OPCML: variants seen among roughly 807,000 people sequenced by gnomAD.
The protein encoded by OPCML is opioid-binding protein/cell adhesion molecule.
A neutral mutation model predicts 37.8 loss-of-function variants in OPCML; 13 were observed. The observed-to-expected ratio is 0.34, with a 90% confidence interval of 0.22 to 0.55. The LOEUF is 0.55. Among genes scored for constraint, OPCML ranks in the 20% least tolerant of loss-of-function variants. The pLI is 0.91. For synonymous variants in OPCML, 176 were observed against 168.8 expected (o/e 1.04, Z -0.33); for missense variants, 341 against 435.6 (o/e 0.78, Z 1.93).
rs575483840 is a variant in OPCML at position 132,530,250 on chromosome 11, A to G, written c.380-1064T>C. ...CATGCCCATGTACCCACAGCACTAC[A>G]AAGCCTAAAATGACACTTGGTCTTA... On this transcript the variant is annotated intron_variant, in intron 3 of 7. Coordinates refer to ENST00000524381, the MANE Select transcript of OPCML (RefSeq NM_001012393.5). Among the ~76,000 whole-genome samples the G allele has an allele frequency of 1.1e-4, 16 of 152,150 alleles. No individual in the cohort carries two copies. The South Asian group carries it at 3.1e-3, about 30-fold the overall frequency.
At chr11:133,189,998 A>G (rs1403171976) in intron 1 of OPCML, among the ~76,000 whole-genome samples, 1 of 152,228 alleles carries the variant, frequency 6.6e-6, no homozygotes, top group Non-Finnish European at 1.5e-5. Flanking sequence ...CGTTTTCACC[A>G]GATTCTAAAT....
chr11:132,920,283 T>A (rs1325060102), intron 2 of OPCML, among the ~76,000 whole-genome samples: 1 of 152,174 alleles, frequency 6.6e-6, no homozygotes, highest in Admixed American at 6.6e-5. Flanking sequence ...GCAGTGACAC[T>A]TCACAGGACA....
At chr11:133,025,193 G>A (rs755488721) in intron 1 of OPCML, 2 of 569,212 alleles carry the variant, frequency 3.5e-6, no homozygotes, top group Non-Finnish European at 4.4e-6. Flanking sequence ...GCAAATATGG[G>A]GTGACTTATT....
At chr11:132,653,165 G>A (rs887209295) in intron 3 of OPCML, among the ~76,000 whole-genome samples, 1 of 151,946 alleles carries the variant, frequency 6.6e-6, no homozygotes, top group Non-Finnish European at 1.5e-5. Context: ...TGTTCTTTCC[G>A]AGTGGCATAG....
chr11:132,639,069 A>G (rs961940218), intron 3 of OPCML, among the ~76,000 whole-genome samples: 7 of 142,604 alleles, frequency 4.9e-5, no homozygotes, highest in Admixed American at 4.8e-4. Flanking sequence ...ATTTTCTTCA[A>G]AGAGAGCTCT....
chr11:132,534,360 T>A (rs1156653705), intron 3 of OPCML, among the ~76,000 whole-genome samples: 1 of 152,230 alleles, frequency 6.6e-6, no homozygotes, highest in Non-Finnish European at 1.5e-5. Flanking sequence ...ATCTGCTTTA[T>A]AAACCACTAC....
chr11:132,965,706 T>C (rs994445316), intron 1 of OPCML, among the ~76,000 whole-genome samples: 1 of 152,096 alleles, frequency 6.6e-6, no homozygotes, highest in Non-Finnish European at 1.5e-5. Context: ...CTAATTTTTG[T>C]CTTTTTAGTA....
intron 1 of OPCML, among the ~76,000 whole-genome samples, chr11:133,493,000 C>T (rs1203148882): frequency 6.6e-6 from 1 of 152,212 alleles, no homozygotes; most frequent in Non-Finnish European, 1.5e-5. Flanking sequence ...CAGTTAGGCT[C>T]TGCTCCCTTT....
intron 2 of OPCML, among the ~76,000 whole-genome samples, chr11:132,894,196 T>C (rs1943751910): frequency 6.6e-6 from 1 of 152,242 alleles, no homozygotes; most frequent in Non-Finnish European, 1.5e-5. Flanking sequence ...CTTGTTACAC[T>C]AGGTCTTTTA....
rs141914985 is a variant in OPCML, at chr11:132,898,427, C to G, written c.146+44499G>C. 4.3e-4 allele frequency among the ~76,000 whole-genome samples: 65 copies of G among 152,262 alleles called. No homozygotes were observed. In the East Asian group the frequency reaches 0.011, roughly 27 times the overall value. On this transcript the variant is annotated intron_variant, in intron 2 of 7. Coordinates refer to ENST00000524381, the MANE Select transcript of OPCML (RefSeq NM_001012393.5). ...TCTACTAAGGAACTCACCTGACAGC[C>G]AAAGAAGTACAGCACTGGGCCCAAG...
intron 1 of OPCML, among the ~76,000 whole-genome samples, chr11:133,337,371 T>C (rs950654298): frequency 4.6e-5 from 7 of 152,302 alleles, no homozygotes; most frequent in Admixed American, 4.6e-4. Flanking sequence ...AACAGATGTC[T>C]GGTCTTGCAA....
chr11:132,790,177 G>C (rs1166061705), intron 2 of OPCML, among the ~76,000 whole-genome samples: 1 of 152,140 alleles, frequency 6.6e-6, no homozygotes, highest in African/African-American at 2.4e-5. Flanking sequence ...AATAAGATAT[G>C]GACTCCACCT....
intron 2 of OPCML, among the ~76,000 whole-genome samples, chr11:132,782,910 A>AGTGTGT (rs1162718283): frequency 2.6e-5 from 3 of 115,438 alleles, no homozygotes; most frequent in African/African-American, 9.6e-5. Flanking sequence ...ATATATATAT[A>AGTGTGT]GTGTGTGTAT....
chr11:132,853,958 T>C (rs529346745), intron 2 of OPCML, among the ~76,000 whole-genome samples: 1 of 152,206 alleles, frequency 6.6e-6, no homozygotes, highest in Non-Finnish European at 1.5e-5. Flanking sequence ...AACTCAATTC[T>C]GACGTTATCT....
chr11:132,657,468 C>A, intron 2 of OPCML, 149 bp from the exon 3 acceptor site: 1 of 1,418,412 alleles, frequency 7.1e-7, no homozygotes, highest in South Asian at 1.5e-5. Context: ...ATTGATGAAA[C>A]TTCCTAAATA....
At chr11:132,972,253 T>C (rs888419663) in intron 1 of OPCML, among the ~76,000 whole-genome samples, 21 of 152,312 alleles carry the variant, frequency 1.4e-4, no homozygotes, top group African/African-American at 4.8e-4. Flanking sequence ...GGTGTGATTT[T>C]CTAAAAATTC....
At chr11:132,616,333 T>C (rs1261290158) in intron 3 of OPCML, among the ~76,000 whole-genome samples, 1 of 152,234 alleles carries the variant, frequency 6.6e-6, no homozygotes, top group East Asian at 1.9e-4. Flanking sequence ...CTGGCACTAT[T>C]AAATTCTTCC....
At chr11:132,668,152 GA>G (rs1451623588) in intron 2 of OPCML, among the ~76,000 whole-genome samples, 1 of 152,148 alleles carries the variant, frequency 6.6e-6, no homozygotes, top group Non-Finnish European at 1.5e-5. Context: ...ATGAAAAGTT[GA>G]AATAAGTGTG....
At chr11:132,762,117 T>C (rs1394878044) in intron 2 of OPCML, among the ~76,000 whole-genome samples, 1 of 152,198 alleles carries the variant, frequency 6.6e-6, no homozygotes, top group Non-Finnish European at 1.5e-5. Flanking sequence ...CAGACCCTGT[T>C]TCCCTGGGTA....
Sources: allele counts gnomAD v4.1 joint callset (sites outside exome capture counted in the v4.1 genomes callset), GRCh38; gene constraint gnomAD v4.1.1; transcripts MANE v1.5; gene names NCBI Gene and HGNC (gene_info 2026-07-23, HGNC 2026-07-21).